Variants in PRDM15 observed in about 807,000 individuals in gnomAD.
The protein encoded by PRDM15 is PR/SET domain 15, also known as PR domain zinc finger protein 15.
PRDM15 carries 64 observed loss-of-function variants against 128.6 expected under a neutral mutation model. The ratio of observed to expected loss-of-function variants is 0.50; its 90% CI spans 0.41 to 0.61. The LOEUF is 0.61. PRDM15 is among the 20% of genes least tolerant of loss of function. The pLI, the probability that PRDM15 is intolerant of heterozygous loss-of-function variation, is 0.00. For synonymous variants in PRDM15, 615 were observed against 621.8 expected (o/e 0.99, Z 0.16); for missense variants, 1,242 against 1,569.1 (o/e 0.79, Z 3.52).
rs1601281521 is a variant in PRDM15, at chr21:41,832,827, C to A, written c.1366+2610G>T. The stretch of plus-strand genomic sequence containing the variant: ...CCAAGAGCTTCAGCTTTCTCCCTCA[C>A]AAGCCCCTCGTGACCATGGAAAGAG... On this transcript the variant is annotated intron_variant, in intron 11 of 23. Transcript: ENST00000398548. This position sits in a 1 kb window ranked among gnomAD's most constrained non-coding sequence, Gnocchi z 4.2. Among the ~76,000 whole-genome samples, 1 of 152,316 alleles carries A rather than the reference C, an allele frequency of 6.6e-6. No individual in the cohort carries two copies. Among genetic ancestry groups the A allele is most frequent in the Middle Eastern group, 3.4e-3 (1 of 294 alleles).
In PRDM15 at chr21:41,862,417, C is replaced by T. The variant is rs1434891535; in HGVS notation, c.-9-2045G>A. On this transcript the variant is annotated intron_variant, in intron 1 of 23. Coordinates refer to ENST00000398548, the MANE Select transcript of PRDM15 (RefSeq NM_001040424.3). This position sits in a 1 kb window ranked among gnomAD's most constrained non-coding sequence, Gnocchi z 4.1. ...CCCCGGGGCAGACCTTGCCTCTGGC[C>T]TACACCTCTCACAGACTGCCCACCC... is the stretch of plus-strand genomic sequence containing the variant. Among the ~76,000 whole-genome samples the T allele has an allele frequency of 6.6e-6, 1 of 152,172 alleles. No individual in the cohort carries two copies. The highest frequency in any genetic ancestry group is 1.5e-5 in the Non-Finnish European group (1 of 68,032).
intron 23 of PRDM15, 137 bp from the exon 24 acceptor site, chr21:41,801,859 T>C: frequency 1.9e-6 from 2 of 1,028,982 alleles, no homozygotes; most frequent in South Asian, 1.8e-5. Flanking sequence ...CGAGTTAATT[T>C]TGTTCTGGAA....
At chr21:41,855,770 CCA>C (rs771579099) in intron 4 of PRDM15, among the ~76,000 whole-genome samples, 7 of 152,330 alleles carry the variant, frequency 4.6e-5, no homozygotes, top group African/African-American at 9.6e-5. Flanking sequence ...AACCGTGCAC[CCA>C]CACCAACTGT....
intron 23 of PRDM15, among the ~76,000 whole-genome samples, chr21:41,802,136 A>T (rs1228471162): frequency 6.6e-6 from 1 of 152,180 alleles, no homozygotes; most frequent in Non-Finnish European, 1.5e-5. Flanking sequence ...TTTCATGGAG[A>T]GGGATGAAAG....
intron 1 of PRDM15, among the ~76,000 whole-genome samples, chr21:41,873,241 G>C (rs1190627034): frequency 6.6e-6 from 1 of 152,140 alleles, no homozygotes; most frequent in African/African-American, 2.4e-5. Context: ...CTACTCCCCG[G>C]ATCTGGAAAG....
chr21:41,819,489 C>A, intron 18 of PRDM15, 93 bp downstream of exon 18: 2 of 1,335,712 alleles, frequency 1.5e-6, no homozygotes, highest in Non-Finnish European at 2.0e-6. Context: ...CCACCTTCCC[C>A]ACACTCCCAG....
rs1326199145 is a variant in PRDM15 at position 41,801,686 on chromosome 21, G to A, written c.2980C>T (p.Pro994Ser). The A allele has an allele frequency of 1.2e-6, 2 of 1,614,104 alleles. No homozygotes were observed. The highest frequency in any genetic ancestry group is 2.2e-5 in the South Asian group (2 of 91,080). Residue 994 changes from proline (P) to serine (S), a missense_variant, in exon 24 of 24, where the codon CCA becomes TCA. Coordinates refer to ENST00000398548, the MANE Select transcript of PRDM15 (RefSeq NM_001040424.3). ...TTGGTTAAGCCGACTGAGCTCGATG[G>A]TGTGGTCACATTTGGGTCACCCAGG... ...VTLGDPNVTT[P>S]SSSVGLTNIT...
chr21:41,802,147 G>A (rs1432124648), intron 23 of PRDM15, among the ~76,000 whole-genome samples: 1 of 152,158 alleles, frequency 6.6e-6, no homozygotes, highest in Non-Finnish European at 1.5e-5. Flanking sequence ...GGGATGAAAG[G>A]CCAAATAAAT....
In PRDM15 at chr21:41,799,759, C is replaced by T. The variant is rs2061374454; in HGVS notation, c.*1481G>A. 1.3e-5 allele frequency: 2 copies of T among 152,628 alleles called. No homozygotes were observed. Among genetic ancestry groups the T allele is most frequent in the African/African-American group, 4.8e-5 (2 of 41,448 alleles). The allele number at this position is 152,628 out of a possible 1,614,324, so 9.5% of individuals were successfully genotyped here. A position where few individuals can be genotyped will look rare whatever the true frequency, so the allele number is the denominator to read the frequency against. On this transcript the variant is annotated 3_prime_UTR_variant, in exon 24 of 24. Transcript: ENST00000398548. Reference sequence around the variant, plus strand: ...GCCAGTGTTTCCTCAAGATGGACTCCCAGTGAGTGCAGGATCTGGGATAAC... The same window carrying T: ...GCCAGTGTTTCCTCAAGATGGACTCTCAGTGAGTGCAGGATCTGGGATAAC...
chr21:41,872,974 G>A lies in PRDM15; in HGVS notation c.-10+6296C>T, dbSNP rs1344764271. On this transcript the variant is annotated intron_variant, in intron 1 of 23. Transcript: ENST00000398548. Reference sequence around the variant, plus strand: ...CGGGTTCTGTTGCTGGTGGTGGTAGGAGGGAAAGACACCCATAGCTATAAC... The same window carrying A: ...CGGGTTCTGTTGCTGGTGGTGGTAGAAGGGAAAGACACCCATAGCTATAAC... Among the ~76,000 whole-genome samples, 4 of 152,344 alleles carry A rather than the reference G, an allele frequency of 2.6e-5. No homozygotes were observed. In the East Asian group the frequency reaches 7.7e-4, roughly 29 times the overall value.
intron 6 of PRDM15, among the ~76,000 whole-genome samples, chr21:41,842,911 G>C (rs2063117777): frequency 1.3e-5 from 2 of 151,232 alleles, no homozygotes; most frequent in East Asian, 3.9e-4. Flanking sequence ...CAGCCTCCCA[G>C]GTATCTGGGA....
chr21:41,838,220 A>G (rs2062960374), intron 7 of PRDM15, among the ~76,000 whole-genome samples, 157 bp from the exon 8 acceptor site: 1 of 151,994 alleles, frequency 6.6e-6, no homozygotes, highest in Non-Finnish European at 1.5e-5. Context: ...AACTGTCAAT[A>G]TTTTGGGATC....
intron 5 of PRDM15, among the ~76,000 whole-genome samples, chr21:41,851,935 C>T (rs2063441768): frequency 6.6e-6 from 1 of 152,208 alleles, no homozygotes; most frequent in Admixed American, 6.5e-5. Context: ...AAGCTATGCT[C>T]AGGTGACCAT....
rs79663205 is a variant in PRDM15 at position 41,837,943 on chromosome 21, G to A, written c.992C>T (p.Ser331Leu). 489 of 1,614,174 alleles carry A rather than the reference G, an allele frequency of 3.0e-4. 3 individuals are homozygous for A. The East Asian group carries it at 8.8e-3, about 29-fold the overall frequency. The change falls in exon 8 of 24, where the codon TCG becomes TTG. Residue 331 changes from serine to leucine, a missense_variant. By Grantham distance (145) the Ser-to-Leu change is moderately radical (BLOSUM62 -2). Around this residue, in one of 3 missense-constraint regions of PRDM15, gnomAD observed 612 missense variants for 717.0 expected, o/e 0.85. Transcript: ENST00000398548. ...GCCAGGCAGGACTTACTTTGGAACC[G>A]AGCTGGTGTCAGTGGTGGTGGTGGC... ...KLATTTTDTSSVPKFTHHQNN... is the reference protein window; with the variant it reads ...KLATTTTDTSLVPKFTHHQNN...
In PRDM15 at chr21:41,859,745, A is replaced by C; in HGVS notation, c.38-60T>G. ...GGAGGGAGACACCTAAAGAACACAAACCTGGGAAATGGGGACCCTGGCCCC... is the reference window on the plus strand; with the variant it reads ...GGAGGGAGACACCTAAAGAACACAACCCTGGGAAATGGGGACCCTGGCCCC... On this transcript the variant is annotated intron_variant, in intron 2 of 23. Transcript: ENST00000398548. The surrounding 1 kb of genome is among the most constrained non-coding windows in gnomAD (Gnocchi z 5.3). 3 of 1,420,252 alleles carry C rather than the reference A, an allele frequency of 2.1e-6. No individual in the cohort carries two copies. The highest frequency in any genetic ancestry group is 3.0e-6 in the Non-Finnish European group (3 of 1,016,474). The allele number at this position is 1,420,252 out of a possible 1,614,324, so 88.0% of individuals were successfully genotyped here. A position where few individuals can be genotyped will look rare whatever the true frequency, so the allele number is the denominator to read the frequency against.
At chr21:41,840,754 A>G (rs892480867) in intron 6 of PRDM15, among the ~76,000 whole-genome samples, 4 of 152,138 alleles carry the variant, frequency 2.6e-5, no homozygotes, top group Admixed American at 2.0e-4. Flanking sequence ...CTGGGGGAAA[A>G]TACATTTAAA....
In PRDM15 at chr21:41,859,893, T is replaced by C. The variant is rs1417522607; in HGVS notation, c.38-208A>G. Among the ~76,000 whole-genome samples the C allele has an allele frequency of 1.3e-5, 2 of 152,118 alleles. No individual in the cohort carries two copies. Among genetic ancestry groups the C allele is most frequent in the African/African-American group, 2.4e-5 (1 of 41,424 alleles). ...GCCTCTGTCAGCACTCGTGCACACA[T>C]GAGGAGTGCAAAGGCAGGACACGCC... is the stretch of plus-strand genomic sequence containing the variant. On this transcript the variant is annotated intron_variant, in intron 2 of 23. Transcript: ENST00000398548. The surrounding 1 kb of genome is among the most constrained non-coding windows in gnomAD (Gnocchi z 5.3).
Position 41,857,278 on chromosome 21 carries a change from C to A in PRDM15, c.183G>T (p.Glu61Asp), listed in dbSNP as rs776419328. 3.1e-6 allele frequency: 5 copies of A among 1,613,970 alleles called. No homozygotes were observed. The highest frequency in any genetic ancestry group is 4.2e-6 in the Non-Finnish European group (5 of 1,180,002). ...LEIRRLEDGA[E>D]GVFAITQLVK... ...CGAGCTGAGTGATGGCGAACACCCC[C>A]TCGGCTCCATCTTCCAGTCGTCTGA... The change falls in exon 4 of 24, where the codon GAG becomes GAT. Residue 61 changes from glutamate to aspartate, a missense_variant. This residue lies in a region of PRDM15 where 612 missense variants were observed against 717.0 expected (regional missense o/e 0.85). Transcript: ENST00000398548.
chr21:41,871,635 G>C, intron 1 of PRDM15: 2 of 1,602,118 alleles, frequency 1.2e-6, no homozygotes, highest in Non-Finnish European at 8.5e-7. Context: ...TAGGCCAACA[G>C]TGGGTCACGA....
Sources: gnomAD v4.1 joint callset for allele counts (sites outside exome capture counted in the v4.1 genomes callset) on GRCh38, gnomAD v4.1.1 for gene constraint, gnomAD v4.1.1 regional missense constraint, Gnocchi (gnomAD v3.1) non-coding constraint, MANE v1.5 for transcripts, NCBI Gene and HGNC (gene_info 2026-07-23, HGNC 2026-07-21) for gene names.